Variants in LOC400499 observed in about 807,000 individuals in gnomAD.
chr16:11,380,526 C>CA, the LOC400499 span, among the ~76,000 whole-genome samples: 15 of 149,438 alleles, frequency 1.0e-4, no homozygotes, highest in South Asian at 1.1e-3. Flanking sequence ...GACCCTGTCT[C>CA]AAAAAAAAAT....
chr16:11,396,865 G>A, the LOC400499 span, among the ~76,000 whole-genome samples: 697 of 152,286 alleles, frequency 4.6e-3, 6 homozygotes, highest in African/African-American at 0.016. Flanking sequence ...GGCATGGCCC[G>A]TGGCCTGCTT....
At chr16:11,527,375 C>T in the LOC400499 span, among the ~76,000 whole-genome samples, 4,149 of 152,014 alleles carry the variant, frequency 0.027, 177 homozygotes, top group African/African-American at 0.094. Flanking sequence ...ATTAGCACCC[C>T]GCCCGACAGA....
the LOC400499 span, among the ~76,000 whole-genome samples, chr16:11,443,930 T>A: frequency 6.6e-6 from 1 of 151,866 alleles, no homozygotes; most frequent in Non-Finnish European, 1.5e-5. Flanking sequence ...TGCCTCCCAG[T>A]TTCAAGTGAC....
chr16:11,409,520 T>A, the LOC400499 span, among the ~76,000 whole-genome samples: 12 of 152,200 alleles, frequency 7.9e-5, no homozygotes, highest in African/African-American at 2.9e-4. Context: ...ACATTTTACT[T>A]TACAATAAAA....
the LOC400499 span, chr16:11,478,112 A>C: frequency 2.6e-6 from 1 of 390,562 alleles, no homozygotes; most frequent in Non-Finnish European, 4.5e-6. Flanking sequence ...CAAGAGTTTG[A>C]GACCAGCCTG....
At chr16:11,402,165 G>A in the LOC400499 span, 4 of 398,986 alleles carry the variant, frequency 1.0e-5, no homozygotes, top group African/African-American at 6.2e-5. Flanking sequence ...TCCACTGGGT[G>A]GGTGAGGACA....
At chr16:11,456,378 G>C in the LOC400499 span, among the ~76,000 whole-genome samples, 1 of 151,678 alleles carries the variant, frequency 6.6e-6, no homozygotes, top group Admixed American at 6.6e-5. Flanking sequence ...GTGACAGACA[G>C]TGTTTTCGAG....
the LOC400499 span, among the ~76,000 whole-genome samples, chr16:11,380,243 CT>C: frequency 0.2 from 29,282 of 146,052 alleles, 3,665 homozygotes; most frequent in African/African-American, 0.37. Context: ...CACCTAGCAT[CT>C]TTTTTTTTTT....
chr16:11,471,729 C>T, the LOC400499 span: 2 of 399,230 alleles, frequency 5.0e-6, no homozygotes, highest in Non-Finnish European at 8.8e-6. Context: ...GCGTCACGGC[C>T]GCGAACACAG....
At chr16:11,451,965 C>G in the LOC400499 span, among the ~76,000 whole-genome samples, 2 of 152,164 alleles carry the variant, frequency 1.3e-5, no homozygotes, top group African/African-American at 4.8e-5. Context: ...ACGCACGGAT[C>G]CCTGGAGAGC....
At chr16:11,486,888 G>C in the LOC400499 span, among the ~76,000 whole-genome samples, 1 of 98,632 alleles carries the variant, frequency 1.0e-5, no homozygotes, top group African/African-American at 3.9e-5. Context: ...GGGGGGGTGG[G>C]GGGCTGGATG....
At chr16:11,379,051 G>A in the LOC400499 span, among the ~76,000 whole-genome samples, 6 of 152,198 alleles carry the variant, frequency 3.9e-5, no homozygotes, top group Non-Finnish European at 7.3e-5. Context: ...ATCACCTGAG[G>A]TCAGGAGTTC....
the LOC400499 span, among the ~76,000 whole-genome samples, chr16:11,494,277 G>C: frequency 6.6e-6 from 1 of 150,858 alleles, no homozygotes; most frequent in Non-Finnish European, 1.5e-5. Flanking sequence ...CCGCGGGCCA[G>C]CCTGGCGCCT....
At chr16:11,405,620 G>A in the LOC400499 span, among the ~76,000 whole-genome samples, 4 of 152,154 alleles carry the variant, frequency 2.6e-5, no homozygotes, top group African/African-American at 7.2e-5. Flanking sequence ...CAGGGGGACT[G>A]CTGGGGTGGG....
At chr16:11,440,120 T>G in the LOC400499 span, among the ~76,000 whole-genome samples, 1 of 152,010 alleles carries the variant, frequency 6.6e-6, no homozygotes. Context: ...GGAACAGAGA[T>G]GGGGACAGTG....
At chr16:11,448,764 G>A in the LOC400499 span, among the ~76,000 whole-genome samples, 2 of 151,982 alleles carry the variant, frequency 1.3e-5, no homozygotes, top group Non-Finnish European at 2.9e-5. Flanking sequence ...AAAGGAAAAG[G>A]AAAGAGAAAG....
At chr16:11,462,899 C>T in the LOC400499 span, among the ~76,000 whole-genome samples, 3 of 152,324 alleles carry the variant, frequency 2.0e-5, no homozygotes, top group East Asian at 3.9e-4. Flanking sequence ...CTGCCACCTC[C>T]GCTGCCTCAC....
chr16:11,464,365 G>A, the LOC400499 span, among the ~76,000 whole-genome samples: 19 of 152,192 alleles, frequency 1.2e-4, no homozygotes. Flanking sequence ...GCTTCCTCAA[G>A]GTGCACATGA....
chr16:11,385,284 C>A, the LOC400499 span: 1 of 1,232,272 alleles, frequency 8.1e-7, no homozygotes, highest in Non-Finnish European at 1.0e-6. Context: ...CGAGCCTGTC[C>A]GACTCAGCGT....
Sources: gnomAD v4.1 joint callset for allele counts (sites outside exome capture counted in the v4.1 genomes callset) on GRCh38, gnomAD v4.1.1 for gene constraint, MANE v1.5 for transcripts.